Variants in CPQ observed in about 807,000 individuals in gnomAD.
CPQ encodes the protein carboxypeptidase Q.
CPQ carries 37 observed loss-of-function variants against 45.7 expected under a neutral mutation model. The ratio of observed to expected loss-of-function variants is 0.81; its 90% CI spans 0.62 to 1.07. The LOEUF (loss-of-function observed/expected upper bound fraction) is 1.07. Among genes scored for constraint, CPQ ranks in the 50% least tolerant of loss-of-function variants. The pLI, the probability that CPQ is intolerant of heterozygous loss-of-function variation, is 0.00. For synonymous variants in CPQ, 186 were observed against 205.8 expected (o/e 0.90, Z 0.82); for missense variants, 537 against 572.9 (o/e 0.94, Z 0.64).
intron 1 of CPQ, among the ~76,000 whole-genome samples, chr8:96,661,153 T>TA (rs1202382507): frequency 6.6e-6 from 1 of 152,172 alleles, no homozygotes; most frequent in Non-Finnish European, 1.5e-5. Context: ...GATCATTGGG[T>TA]AAAAAATGAA....
At chr8:96,991,669 A>G (rs938296333) in intron 5 of CPQ, among the ~76,000 whole-genome samples, 4 of 151,998 alleles carry the variant, frequency 2.6e-5, no homozygotes, top group African/African-American at 7.2e-5. Context: ...TGTCAGCTGC[A>G]TAAGAGCAGG....
chr8:97,066,328 G>A (rs905240193), intron 7 of CPQ, 118 bp downstream of exon 7: 3 of 886,082 alleles, frequency 3.4e-6, no homozygotes, highest in Non-Finnish European at 5.1e-6. Flanking sequence ...GAAACCTTAA[G>A]CTTTTGTTCA....
chr8:96,718,371 G>A (rs1034163920), intron 1 of CPQ, among the ~76,000 whole-genome samples: 1 of 152,096 alleles, frequency 6.6e-6, no homozygotes, highest in African/African-American at 2.4e-5. Context: ...CCTTCTGGTG[G>A]GTTCGTGGTC....
intron 7 of CPQ, among the ~76,000 whole-genome samples, chr8:97,118,364 C>T (rs1419661196): frequency 1.3e-5 from 2 of 152,124 alleles, no homozygotes; most frequent in Admixed American, 6.6e-5. Context: ...ATCAATTCAG[C>T]CTCCCCAGGT....
chr8:97,123,436 C>A (rs1296359259), intron 7 of CPQ, among the ~76,000 whole-genome samples: 1 of 150,832 alleles, frequency 6.6e-6, no homozygotes, highest in African/African-American at 2.4e-5. Flanking sequence ...TTGTAGAATT[C>A]TTAAATATAT....
chr8:96,813,839 C>T (rs1262801668), intron 2 of CPQ, among the ~76,000 whole-genome samples: 1 of 152,102 alleles, frequency 6.6e-6, no homozygotes, highest in Non-Finnish European at 1.5e-5. Flanking sequence ...AGCCTATAGG[C>T]TTTTAATTTT....
At chr8:97,130,583 G>T (rs1811936463) in intron 7 of CPQ, among the ~76,000 whole-genome samples, 1 of 151,888 alleles carries the variant, frequency 6.6e-6, no homozygotes, top group South Asian at 2.1e-4. Context: ...TATTAACGTG[G>T]GTCAACCATA....
intron 4 of CPQ, among the ~76,000 whole-genome samples, chr8:96,906,394 T>C (rs1334798219): frequency 5.9e-5 from 9 of 152,208 alleles, no homozygotes; most frequent in African/African-American, 2.2e-4. Context: ...AGTCTATGTC[T>C]TGGGCTTCTG....
intron 3 of CPQ, among the ~76,000 whole-genome samples, chr8:96,854,794 G>A (rs1299937448): frequency 6.6e-6 from 1 of 152,128 alleles, no homozygotes; most frequent in East Asian, 1.9e-4. Context: ...TGAGACAGGA[G>A]AACTGATTGT....
intron 6 of CPQ, among the ~76,000 whole-genome samples, chr8:97,062,395 G>C (rs1195348627): frequency 6.6e-6 from 1 of 152,116 alleles, no homozygotes; most frequent in African/African-American, 2.4e-5. Flanking sequence ...AACAGACTGA[G>C]CCCAGGGCAG....
chr8:96,769,491 C>A (rs933326502), intron 1 of CPQ, among the ~76,000 whole-genome samples: 1 of 152,114 alleles, frequency 6.6e-6, no homozygotes, highest in African/African-American at 2.4e-5. Flanking sequence ...GGCAGCCACC[C>A]TCATGGTCAG....
At chr8:97,022,677 C>T (rs1032063929) in intron 5 of CPQ, among the ~76,000 whole-genome samples, 5 of 151,992 alleles carry the variant, frequency 3.3e-5, no homozygotes, top group African/African-American at 7.2e-5. Flanking sequence ...AACCACAATG[C>T]GATACTACCT....
At chr8:96,904,868 T>C (rs1380178888) in intron 4 of CPQ, among the ~76,000 whole-genome samples, 1 of 152,160 alleles carries the variant, frequency 6.6e-6, no homozygotes, top group Admixed American at 6.5e-5. Flanking sequence ...ACAGCCCCTC[T>C]TGGTATTGTG....
chr8:96,926,365 G>T (rs1412179765), intron 4 of CPQ, among the ~76,000 whole-genome samples: 1 of 152,154 alleles, frequency 6.6e-6, no homozygotes, highest in Non-Finnish European at 1.5e-5. Flanking sequence ...TTGGGGTGGG[G>T]CTGGGAGTGA....
intron 2 of CPQ, among the ~76,000 whole-genome samples, chr8:96,817,507 A>G (rs1811244362): frequency 6.6e-6 from 1 of 152,068 alleles, no homozygotes; most frequent in Non-Finnish European, 1.5e-5. Context: ...GCTTAAGGGA[A>G]TGTTGTAGGG....
chr8:97,041,032 T>C (rs1050129483), intron 6 of CPQ, among the ~76,000 whole-genome samples: 11 of 152,352 alleles, frequency 7.2e-5, no homozygotes, highest in African/African-American at 2.4e-4. Flanking sequence ...AAGTCATTGG[T>C]AGCTTGATGG....
intron 2 of CPQ, among the ~76,000 whole-genome samples, chr8:96,811,485 T>C (rs1331155986): frequency 1.3e-5 from 2 of 152,134 alleles, no homozygotes; most frequent in African/African-American, 4.8e-5. Flanking sequence ...TTATAGATAA[T>C]GTGACTGTTT....
chr8:96,980,657 A>G (rs1335724590), intron 5 of CPQ, among the ~76,000 whole-genome samples: 1 of 152,186 alleles, frequency 6.6e-6, no homozygotes, highest in Non-Finnish European at 1.5e-5. Flanking sequence ...TCGAGTCTTC[A>G]TGTCTGTATC....
chr8:96,699,994 T>C (rs1809434355), intron 1 of CPQ, among the ~76,000 whole-genome samples: 1 of 152,198 alleles, frequency 6.6e-6, no homozygotes, highest in Non-Finnish European at 1.5e-5. Flanking sequence ...TCCTGCCTAC[T>C]TCAAAGCCCT....
Sources: gnomAD v4.1 joint callset for allele counts (sites outside exome capture counted in the v4.1 genomes callset) on GRCh38, gnomAD v4.1.1 for gene constraint, MANE v1.5 for transcripts, NCBI Gene and HGNC (gene_info 2026-07-23, HGNC 2026-07-21) for gene names.